The following PIAS1 variants were observed in gnomAD, a reference collection of about 807,000 sequenced individuals.
PIAS1 encodes the protein protein inhibitor of activated STAT 1, also known as E3 SUMO-protein ligase PIAS1.
PIAS1 carries 6 observed loss-of-function variants against 71.3 expected under a neutral mutation model. The observed-to-expected ratio is 0.08, with a 90% CI of 0.05 to 0.17. The LOEUF is 0.17. PIAS1 is among the 10% of genes least tolerant of loss of function. The pLI, the probability that PIAS1 is intolerant of heterozygous loss-of-function variation, is 1.00. For synonymous variants in PIAS1, 303 were observed against 292.9 expected, an observed-to-expected ratio of 1.03 and a Z score of -0.35; for missense variants, 555 against 793.6, an observed-to-expected ratio of 0.70 and a Z score of 3.61.
At position 68,191,880 on chromosome 15, in the gene PIAS1, C is replaced by T. The variant is rs944056005; in HGVS notation, c.*4045C>T. The T allele has an allele frequency of 1.3e-5, 2 of 152,174 alleles. No individual in the cohort carries two copies. The highest frequency in any genetic ancestry group is 3.8e-4 in the East Asian group (2 of 5,204). 9.4% of individuals were successfully genotyped at this position (152,174 alleles called of 1,614,324 possible). A position where few individuals can be genotyped will look rare whatever the true frequency, so the allele number is the denominator to read the frequency against. On this transcript the variant is annotated 3_prime_UTR_variant, in exon 14 of 14. Transcript: ENST00000249636. ...TCTTAGACTCTGGACCACTGAATCC[C>T]TTAATGAGCAGGGAGTCCGTGAAGA...
At chr15:68,182,578 G>A (rs558767656) in intron 12 of PIAS1, among the ~76,000 whole-genome samples, 24 of 151,612 alleles carry the variant, frequency 1.6e-4, no homozygotes, top group Non-Finnish European at 2.9e-4. Context: ...GTGCCACCAC[G>A]CCTGGCTAAT....
chr15:68,095,135 A>C (rs941157916), intron 2 of PIAS1, among the ~76,000 whole-genome samples: 6 of 152,144 alleles, frequency 3.9e-5, no homozygotes, highest in Non-Finnish European at 7.4e-5. Flanking sequence ...TTTTTAATTG[A>C]GAGATTAAGG....
At position 68,169,059 on chromosome 15, in the gene PIAS1, G is replaced by A. The variant is rs114555329; in HGVS notation, c.1008+4255G>A. On this transcript the variant is annotated intron_variant, in intron 8 of 13. Transcript: ENST00000249636. ...CATCTTATCTGTTGTTTTCATAAAC[G>A]ATCAGAAGTAGTCTGATAGTTCTAC... Among the ~76,000 whole-genome samples the A allele has an allele frequency of 3.2e-3, 483 of 152,266 alleles. 1 individual carries two copies. The highest frequency in any genetic ancestry group is 0.011 in the African/African-American group (468 of 41,542).
rs183958151 is a variant in PIAS1, at chr15:68,145,547, C to T, written c.603-269C>T. Among the ~76,000 whole-genome samples the T allele has an allele frequency of 7.9e-5, 12 of 152,206 alleles. No homozygotes were observed. In the East Asian group the frequency reaches 2.1e-3, roughly 27 times the overall value. On this transcript the variant is annotated intron_variant, in intron 4 of 13. Coordinates refer to ENST00000249636, the MANE Select transcript of PIAS1 (RefSeq NM_016166.3). Reference sequence around the variant, plus strand: ...CTGTTAATCACTGAAGAAACTAGTGCTTCTCAGAACATGCTTAACCAAATA... The same window carrying T: ...CTGTTAATCACTGAAGAAACTAGTGTTTCTCAGAACATGCTTAACCAAATA...
At chr15:68,127,009 A>G (rs1211449170) in intron 2 of PIAS1, among the ~76,000 whole-genome samples, 1 of 152,036 alleles carries the variant, frequency 6.6e-6, no homozygotes, top group Non-Finnish European at 1.5e-5. Context: ...ATTTCAGCTC[A>G]CTGCAACCTC....
At chr15:68,176,948 C>T (rs145214814) in intron 11 of PIAS1, among the ~76,000 whole-genome samples, 129 of 152,124 alleles carry the variant, frequency 8.5e-4, no homozygotes, top group South Asian at 3.1e-3. Context: ...GCATACATTG[C>T]GCCCCCATGT....
chr15:68,072,153 C>T (rs2092104513), intron 1 of PIAS1, among the ~76,000 whole-genome samples: 1 of 151,264 alleles, frequency 6.6e-6, no homozygotes, highest in Non-Finnish European at 1.5e-5. Flanking sequence ...AATCCCAGCG[C>T]TTTGGGAGGC....
At chr15:68,111,455 A>G (rs1462558394) in intron 2 of PIAS1, among the ~76,000 whole-genome samples, 2 of 152,242 alleles carry the variant, frequency 1.3e-5, no homozygotes, top group East Asian at 3.8e-4. Flanking sequence ...TAAAGTAGAA[A>G]TACAATTTTC....
In PIAS1 at chr15:68,186,860, T is replaced by C. The variant is rs911944121; in HGVS notation, c.1663-682T>C. Among the ~76,000 whole-genome samples the C allele has an allele frequency of 6.6e-6, 1 of 152,258 alleles. No individual in the cohort carries two copies. The highest frequency in any genetic ancestry group is 2.4e-5 in the African/African-American group (1 of 41,470). ...GGCCAGACCACACAGCCTAGGTGTG[T>C]AGCAGGCTCTACTGTCTAGGTTTGT... is the stretch of plus-strand genomic sequence containing the variant. On this transcript the variant is annotated intron_variant, in intron 13 of 13. Transcript: ENST00000249636. This position sits in a 1 kb window ranked among gnomAD's most constrained non-coding sequence, Gnocchi z 4.4.
chr15:68,086,671 C>T lies in PIAS1; in HGVS notation c.390C>T (p.His130=), dbSNP rs766917014. The part of the protein sequence containing the change: ...LELPHLTSAL[H]PVHPDIKLQK... ...TCCCACATCTTACATCAGCTCTTCA[C>T]CCAGTCCATCCGGATATAAAACTTC... The change falls in exon 2 of 14, where the codon CAC becomes CAT. Residue 130 remains histidine, a synonymous_variant. Coordinates refer to ENST00000249636, the MANE Select transcript of PIAS1 (RefSeq NM_016166.3). The surrounding 1 kb of genome is among the most constrained non-coding windows in gnomAD (Gnocchi z 7.2). 1.2e-6 allele frequency: 2 copies of T among 1,613,352 alleles called. No homozygotes were observed. Among genetic ancestry groups the T allele is most frequent in the South Asian group, 1.1e-5 (1 of 91,064 alleles).
chr15:68,186,519 AAG>A lies in PIAS1; in HGVS notation c.1663-1021_1663-1020del, dbSNP rs1168542651. ...GCTAATGTTAATTTATTATTGAAGA[AAG>A]AAAAATATTTTTAACACATTTAGTG... is the stretch of plus-strand genomic sequence containing the variant. On this transcript the variant is annotated intron_variant, in intron 13 of 13. Transcript: ENST00000249636. This position sits in a 1 kb window ranked among gnomAD's most constrained non-coding sequence, Gnocchi z 4.4. Among the ~76,000 whole-genome samples, 2 of 152,182 alleles carry A rather than the reference AAG, an allele frequency of 1.3e-5. No individual in the cohort carries two copies. The highest frequency in any genetic ancestry group is 2.4e-5 in the African/African-American group (1 of 41,444).
chr15:68,089,287 T>C (rs1289344969), intron 2 of PIAS1, among the ~76,000 whole-genome samples: 3 of 152,222 alleles, frequency 2.0e-5, no homozygotes, highest in African/African-American at 7.2e-5. Flanking sequence ...TTTGGAGCCA[T>C]AATTAAAGTA....
chr15:68,148,226 G>T (rs1311400427), intron 6 of PIAS1, among the ~76,000 whole-genome samples: 1 of 152,124 alleles, frequency 6.6e-6, no homozygotes, highest in Non-Finnish European at 1.5e-5. Flanking sequence ...GAAAAGAGTT[G>T]CAATCAGGTG....
rs2093090412 is a variant in PIAS1 at position 68,186,752 on chromosome 15, A to G, written c.1663-790A>G. Among the ~76,000 whole-genome samples the G allele has an allele frequency of 6.6e-6, 1 of 152,260 alleles. No individual in the cohort carries two copies. The highest frequency in any genetic ancestry group is 1.5e-5 in the Non-Finnish European group (1 of 68,046). On this transcript the variant is annotated intron_variant, in intron 13 of 13. Transcript: ENST00000249636. This position sits in a 1 kb window ranked among gnomAD's most constrained non-coding sequence, Gnocchi z 4.4. The stretch of plus-strand genomic sequence containing the variant: ...CTGTACCTTTTCTATGTTGAGATAT[A>G]CACATACTTAGCATTGTGTTACAGT...
intron 2 of PIAS1, among the ~76,000 whole-genome samples, chr15:68,088,890 C>CT (rs1466045986): frequency 6.6e-6 from 1 of 152,136 alleles, no homozygotes; most frequent in East Asian, 1.9e-4. Flanking sequence ...TGTTTTAAAT[C>CT]TAAGAAAACC....
Position 68,187,764 on chromosome 15 carries a change from G to A in PIAS1, c.1885G>A (p.Val629Ile), listed in dbSNP as rs549689177. Residue 629 changes from valine to isoleucine, a missense_variant, in exon 14 of 14, where the codon GTC becomes ATC. Transcript: ENST00000249636. This position sits in a 1 kb window ranked among gnomAD's most constrained non-coding sequence, Gnocchi z 5.3. Reference protein sequence around the residue: ...NSLRESHSHTVTNRSSTDTAS... With the variant: ...NSLRESHSHTITNRSSTDTAS... ...CCTAAGGGAAAGCCATAGCCACACCGTCACAAACAGGAGCAGCACGGACAC... is the reference window on the plus strand; with the variant it reads ...CCTAAGGGAAAGCCATAGCCACACCATCACAAACAGGAGCAGCACGGACAC... The A allele has an allele frequency of 3.5e-5, 57 of 1,613,936 alleles. No individual in the cohort carries two copies. The highest frequency in any genetic ancestry group is 2.2e-4 in the Admixed American group (13 of 60,012).
Position 68,086,487 on chromosome 15 carries a change from T to G in PIAS1, c.206T>G (p.Ile69Ser). 1 of 1,613,832 alleles carries G rather than the reference T, an allele frequency of 6.2e-7. No individual in the cohort carries two copies. The highest frequency in any genetic ancestry group is 1.1e-5 in the South Asian group (1 of 91,070). The change falls in exon 2 of 14, where the codon ATC becomes AGC. Residue 69 changes from isoleucine (I) to serine (S), a missense_variant. Coordinates refer to ENST00000249636, the MANE Select transcript of PIAS1 (RefSeq NM_016166.3). The surrounding 1 kb of genome is among the most constrained non-coding windows in gnomAD (Gnocchi z 7.2). ...ELYRRRFPQK[I>S]MTPADLSIPN... ...TATAGGCGGCGGTTCCCACAGAAAA[T>G]CATGACGCCTGCAGACTTGTCCATC... is the stretch of plus-strand genomic sequence containing the variant.
At chr15:68,119,237 CAAAA>C (rs60879036) in intron 2 of PIAS1, among the ~76,000 whole-genome samples, 26 of 27,402 alleles carry the variant, frequency 9.5e-4, no homozygotes, top group East Asian at 9.1e-3. Flanking sequence ...CCATCTCTAC[CAAAA>C]AAAAAAAAAA....
intron 1 of PIAS1, among the ~76,000 whole-genome samples, chr15:68,057,975 G>A (rs1382915765): frequency 1.3e-5 from 2 of 152,170 alleles, no homozygotes; most frequent in Non-Finnish European, 2.9e-5. Flanking sequence ...GCTTAGTGGC[G>A]AGTCCATAGC....
Sources: allele counts gnomAD v4.1 joint callset (sites outside exome capture counted in the v4.1 genomes callset), GRCh38; gene constraint gnomAD v4.1.1; non-coding constraint Gnocchi (gnomAD v3.1); transcripts MANE v1.5; gene names NCBI Gene and HGNC (gene_info 2026-07-23, HGNC 2026-07-21).